The following KCNJ10 variants were observed in gnomAD, a reference collection of about 807,000 sequenced individuals.
KCNJ10 encodes the protein ATP-sensitive inward rectifier potassium channel 10.
A neutral mutation model predicts 22.2 loss-of-function variants in KCNJ10; 9 were observed. The ratio of observed to expected loss-of-function variants is 0.40; its 90% CI spans 0.24 to 0.71. The LOEUF (loss-of-function observed/expected upper bound fraction) is 0.71. Ranked by LOEUF, KCNJ10 falls within the 30% of genes least tolerant of loss-of-function variation. The pLI is 0.35. For missense variants in KCNJ10, 337 were observed against 482.7 expected, an observed-to-expected ratio of 0.70 and a Z score of 2.83; for synonymous variants, 184 against 187.3, an observed-to-expected ratio of 0.98 and a Z score of 0.15.
In KCNJ10 at chr1:160,042,308, A is replaced by G. The variant is rs757159382; in HGVS notation, c.225T>C (p.Phe75=). The change falls in exon 2 of 2, where the codon TTT becomes TTC. Residue 75 remains phenylalanine (F), a synonymous_variant. Coordinates refer to ENST00000644903, the MANE Select transcript of KCNJ10 (RefSeq NM_002241.5). The stretch of plus-strand genomic sequence containing the variant: ...CGCCAAAGAGGAACCATGTGCCTGC[A>G]AAGGTCGCAGAGAAGAGCAGAAGCT... ...RYKLLLFSAT[F]AGTWFLFGVV... is the part of the protein sequence containing the mutation. The G allele has an allele frequency of 1.9e-5, 30 of 1,613,626 alleles. No individual in the cohort carries two copies. In the Admixed American group the frequency reaches 3.5e-4, roughly 19 times the overall value.
rs1207684151 is a variant in KCNJ10, at chr1:160,040,548, G to T, written c.*845C>A. On this transcript the variant is annotated 3_prime_UTR_variant, in exon 2 of 2. Coordinates refer to ENST00000644903, the MANE Select transcript of KCNJ10 (RefSeq NM_002241.5). ...TGGACTCTTTTCAAAGGAACATATT[G>T]GCTTGGGTCCTTCCATTCACAGGAC... The T allele has an allele frequency of 2.5e-6, 1 of 398,526 alleles. No homozygotes were observed. The highest frequency in any genetic ancestry group is 4.4e-6 in the Non-Finnish European group (1 of 226,124). 24.7% of individuals were successfully genotyped at this position (398,526 alleles called of 1,614,324 possible).
rs1648599613 is a variant in KCNJ10 at position 160,041,407 on chromosome 1, T to C, written c.1126A>G (p.Ile376Val). 1 of 1,612,922 alleles carries C rather than the reference T, an allele frequency of 6.2e-7. No homozygotes were observed. The highest frequency in any genetic ancestry group is 1.3e-5 in the African/African-American group (1 of 75,014). ...EKEGSALSVR[I>V]SNV ...GGAACAGGTCATCAGACATTGCTGA[T>C]GCGCACACTAAGGGCACTGCCCTCC... The change falls in exon 2 of 2, where the codon ATC (isoleucine) becomes GTC (valine). Residue 376 changes from isoleucine (I) to valine (V), a missense_variant. Physicochemically the swap from Ile to Val is conservative, Grantham distance 29. Transcript: ENST00000644903. This position sits in a 1 kb window ranked among gnomAD's most constrained non-coding sequence, Gnocchi z 4.4.
chr1:160,050,677 A>C (rs1162321902), intron 1 of KCNJ10, among the ~76,000 whole-genome samples: 3 of 152,158 alleles, frequency 2.0e-5, no homozygotes, highest in Non-Finnish European at 2.9e-5. Flanking sequence ...AAGATGAGGA[A>C]ATCCAGGGCC....
At chr1:160,060,651 C>T (rs1345566941) in intron 1 of KCNJ10, among the ~76,000 whole-genome samples, 1 of 152,192 alleles carries the variant, frequency 6.6e-6, no homozygotes, top group Non-Finnish European at 1.5e-5. Flanking sequence ...TCCACCCTCC[C>T]AGGCCCCAGC....
In KCNJ10 at chr1:160,041,844, C is replaced by G; in HGVS notation, c.689G>C (p.Arg230Pro). The G allele has an allele frequency of 6.2e-7, 1 of 1,614,212 alleles. No homozygotes were observed. Among genetic ancestry groups the G allele is most frequent in the South Asian group, 1.1e-5 (1 of 91,074 alleles). Residue 230 changes from arginine to proline, a missense_variant, in exon 2 of 2, where the codon CGG becomes CCG. Around this residue, in one of 3 missense-constraint regions of KCNJ10, gnomAD observed 165 missense variants for 281.5 expected, o/e 0.59. Transcript: ENST00000644903. This position sits in a 1 kb window ranked among gnomAD's most constrained non-coding sequence, Gnocchi z 4.4. ...GAAAGTCACATTGACCTGGTTGAGCCGGATGTTCTCCCCTTCCTTGGTTTG... is the reference window on the plus strand; with the variant it reads ...GAAAGTCACATTGACCTGGTTGAGCGGGATGTTCTCCCCTTCCTTGGTTTG... ...THQTKEGENI[R>P]LNQVNVTFQV...
intron 1 of KCNJ10, among the ~76,000 whole-genome samples, chr1:160,047,814 C>T (rs557136539): frequency 9.2e-5 from 14 of 152,292 alleles, no homozygotes; most frequent in African/African-American, 2.9e-4. Context: ...AATCTCAGCT[C>T]GCTACAACCT....
intron 1 of KCNJ10, among the ~76,000 whole-genome samples, chr1:160,042,797 C>T (rs565184382): frequency 6.2e-4 from 95 of 152,102 alleles, no homozygotes; most frequent in African/African-American, 2.2e-3. Context: ...ATTAGCTGGG[C>T]ATGGTGGCAT....
chr1:160,066,641 A>G (rs1473310567), intron 1 of KCNJ10, among the ~76,000 whole-genome samples: 3 of 152,184 alleles, frequency 2.0e-5, no homozygotes, highest in African/African-American at 7.2e-5. Flanking sequence ...CGAATCCCAC[A>G]AAGTCAGACT....
At position 160,047,289 on chromosome 1, in the gene KCNJ10, C is replaced by T. The variant is rs769426709; in HGVS notation, c.1-4757G>A. 3.5e-4 allele frequency among the ~76,000 whole-genome samples: 53 copies of T among 152,342 alleles called. No homozygotes were observed. The South Asian group carries it at 3.5e-3, about 10-fold the overall frequency. Reference sequence around the variant, plus strand: ...CCCTTTGCTTTTTGCTACTTCGCTCCTGGGTTTCTCTTCCTCAAATACACT... The same window carrying T: ...CCCTTTGCTTTTTGCTACTTCGCTCTTGGGTTTCTCTTCCTCAAATACACT... On this transcript the variant is annotated intron_variant, in intron 1 of 1. Coordinates refer to ENST00000644903, the MANE Select transcript of KCNJ10 (RefSeq NM_002241.5).
At chr1:160,069,623 GGGGCTGGGGAT>G (rs1649404090) in intron 1 of KCNJ10, among the ~76,000 whole-genome samples, 1 of 152,178 alleles carries the variant, frequency 6.6e-6, no homozygotes, top group South Asian at 2.1e-4. Context: ...GAGTGGGGGA[GGGGCTGGGGAT>G]GGGAGTAACC....
intron 1 of KCNJ10, among the ~76,000 whole-genome samples, chr1:160,056,728 C>A (rs1207162281): frequency 2.0e-5 from 3 of 152,130 alleles, no homozygotes; most frequent in Non-Finnish European, 4.4e-5. Flanking sequence ...TTAAATTTAA[C>A]CTAATTGGTT....
intron 1 of KCNJ10, among the ~76,000 whole-genome samples, chr1:160,042,923 C>T (rs113872177): frequency 0.012 from 1,562 of 134,500 alleles, 16 homozygotes; most frequent in Middle Eastern, 0.078. Context: ...GGTGACACAG[C>T]GAGACTCCGT....
intron 1 of KCNJ10, among the ~76,000 whole-genome samples, chr1:160,063,048 A>G (rs949331828): frequency 2.6e-5 from 4 of 152,178 alleles, no homozygotes; most frequent in Non-Finnish European, 4.4e-5. Context: ...TGAAGGGCCA[A>G]TGAGCCAGGA....
intron 1 of KCNJ10, among the ~76,000 whole-genome samples, chr1:160,055,483 T>G (rs1649006668): frequency 6.6e-6 from 1 of 152,214 alleles, no homozygotes; most frequent in Non-Finnish European, 1.5e-5. Context: ...GTGGTGGGAA[T>G]CCACTGATTT....
chr1:160,042,707 C>T (rs920308477), intron 1 of KCNJ10, among the ~76,000 whole-genome samples, 175 bp from the exon 2 acceptor site: 3 of 152,104 alleles, frequency 2.0e-5, no homozygotes, highest in African/African-American at 7.2e-5. Flanking sequence ...GGGGCCGAGG[C>T]GGGTGGATCG....
intron 1 of KCNJ10, among the ~76,000 whole-genome samples, chr1:160,049,196 C>G (rs1205605311): frequency 6.6e-6 from 1 of 152,166 alleles, no homozygotes; most frequent in Non-Finnish European, 1.5e-5. Context: ...AGTTCTTTCT[C>G]TAGCTCAAAA....
At chr1:160,069,123 T>G (rs886606808) in intron 1 of KCNJ10, among the ~76,000 whole-genome samples, 4 of 152,220 alleles carry the variant, frequency 2.6e-5, no homozygotes, top group African/African-American at 4.8e-5. Context: ...TCACCCTGCC[T>G]GGGGCACTCA....
Position 160,042,456 on chromosome 1 carries a change from C to T in KCNJ10, c.77G>A (p.Arg26Gln), listed in dbSNP as rs369062738. 1.9e-6 allele frequency: 3 copies of T among 1,614,046 alleles called. No individual in the cohort carries two copies. Among genetic ancestry groups the T allele is most frequent in the East Asian group, 2.2e-5 (1 of 44,892 alleles). The change falls in exon 2 of 2, where the codon CGA becomes CAA. Residue 26 changes from arginine to glutamine, a missense_variant. Physicochemically the swap from Arg to Gln is conservative, Grantham distance 43. Around this residue, in one of 3 missense-constraint regions of KCNJ10, gnomAD observed 107 missense variants for 135.2 expected, o/e 0.79. Transcript: ENST00000644903. ...ATCTTTTGTCAGGACTCTCCGCCGT[C>T]GTATCCCTGGGCCCATTAGGGGCCG... Reference protein sequence around the residue: ...ESRPLMGPGIRRRRVLTKDGR... With the variant: ...ESRPLMGPGIQRRRVLTKDGR...
chr1:160,061,687 C>T lies in KCNJ10; in HGVS notation c.-1+8335G>A, dbSNP rs1649195932. Among the ~76,000 whole-genome samples, 3 of 145,632 alleles carry T rather than the reference C, an allele frequency of 2.1e-5. No individual in the cohort carries two copies. The Admixed American group carries it at 2.2e-4, about 11-fold the overall frequency. Reference sequence around the variant, plus strand: ...CCAGTGTCAGAGCAGCAGAGGGCAGCAAGGGCATGGGGGGGAGGGACATGG... The same window carrying T: ...CCAGTGTCAGAGCAGCAGAGGGCAGTAAGGGCATGGGGGGGAGGGACATGG... On this transcript the variant is annotated intron_variant, in intron 1 of 1. Transcript: ENST00000644903.
Sources: allele counts gnomAD v4.1 joint callset (sites outside exome capture counted in the v4.1 genomes callset), GRCh38; gene constraint gnomAD v4.1.1; regional missense constraint gnomAD v4.1.1; non-coding constraint Gnocchi (gnomAD v3.1); transcripts MANE v1.5; gene names NCBI Gene and HGNC (gene_info 2026-07-23, HGNC 2026-07-21).